Variants in ZFHX3 observed in about 807,000 individuals in gnomAD.
The protein encoded by ZFHX3 is zinc finger homeobox 3.
A neutral mutation model predicts 279.1 loss-of-function variants in ZFHX3; 42 were observed. That is an observed-to-expected ratio of 0.15 (90% CI 0.12 to 0.19). The LOEUF (loss-of-function observed/expected upper bound fraction) is 0.19. Ranked by LOEUF, ZFHX3 falls within the 10% of genes least tolerant of loss-of-function variation. ZFHX3 has a pLI of 1.00. For missense variants in ZFHX3, 4,981 were observed against 4,754.0 expected, an observed-to-expected ratio of 1.05 and a Z score of -1.40; for synonymous variants, 2,293 against 1,957.8, an observed-to-expected ratio of 1.17 and a Z score of -4.52.
At chr16:73,811,490 C>T (rs1326991807) in intron 1 of ZFHX3, among the ~76,000 whole-genome samples, 5 of 135,648 alleles carry the variant, frequency 3.7e-5, no homozygotes, top group African/African-American at 5.7e-5. Context: ...GTCATCTAGG[C>T]GGGAGTGGCA....
At chr16:73,273,692 C>CT (rs1441561581) in intron 4 of ZFHX3, among the ~76,000 whole-genome samples, 9 of 151,518 alleles carry the variant, frequency 5.9e-5, no homozygotes, top group East Asian at 1.9e-4. Flanking sequence ...ATATTCCATA[C>CT]TTTTTTTTTA....
At chr16:73,723,262 C>G (rs1166844410) in intron 1 of ZFHX3, among the ~76,000 whole-genome samples, 1 of 152,022 alleles carries the variant, frequency 6.6e-6, no homozygotes, top group Non-Finnish European at 1.5e-5. Flanking sequence ...TAGTAGGGAT[C>G]TTGGGAAGTA....
At chr16:73,537,475 C>G (rs1260167875) in intron 2 of ZFHX3, among the ~76,000 whole-genome samples, 1 of 151,978 alleles carries the variant, frequency 6.6e-6, no homozygotes, top group African/African-American at 2.4e-5. Context: ...TGCTGCCACG[C>G]CCGGCTAATT....
rs1024871200 is a variant in ZFHX3, at chr16:73,834,288, A to C, written c.-1608+57363T>G. Among the ~76,000 whole-genome samples the C allele has an allele frequency of 9.9e-5, 15 of 152,246 alleles. 1 individual carries two copies. The highest frequency in any genetic ancestry group is 3.9e-4 in the Admixed American group (6 of 15,300). On this transcript the variant is annotated intron_variant, in intron 1 of 17. Coordinates refer to the ZFHX3 transcript ENST00000641206. ...TAACACCTTTGCATCTTGCAAGGAG[A>C]GAAGTGGTAAGAGCAACAGATGAAG...
At chr16:72,945,026 G>A (rs916538704) in intron 3 of ZFHX3, among the ~76,000 whole-genome samples, 1 of 152,038 alleles carries the variant, frequency 6.6e-6, no homozygotes, top group African/African-American at 2.4e-5. Context: ...GGAGTGAAAA[G>A]ATATCACTGA....
chr16:73,782,799 T>C (rs1959518313), intron 1 of ZFHX3, among the ~76,000 whole-genome samples: 1 of 152,178 alleles, frequency 6.6e-6, no homozygotes, highest in Non-Finnish European at 1.5e-5. Context: ...ACTGGGTCCC[T>C]GAATCACTAC....
At chr16:73,611,266 A>G (rs2052243262) in intron 2 of ZFHX3, among the ~76,000 whole-genome samples, 1 of 152,194 alleles carries the variant, frequency 6.6e-6, no homozygotes, top group South Asian at 2.1e-4. Flanking sequence ...GGGACCATGG[A>G]TGGGCAAGAC....
intron 1 of ZFHX3, among the ~76,000 whole-genome samples, chr16:73,704,811 G>C (rs192227121): frequency 6.6e-6 from 1 of 152,212 alleles, no homozygotes; most frequent in Non-Finnish European, 1.5e-5. Flanking sequence ...ACTCCTGCTA[G>C]GGAGCTCTGG....
In ZFHX3 at chr16:73,129,379, G is replaced by GACACACACACACACACACAC. The variant is rs59666622; in HGVS notation, c.-897+1569_-897+1588dup. On this transcript the variant is annotated intron_variant, in intron 7 of 17. Transcript: ENST00000641206. Reference sequence around the variant, plus strand: ...CTCCAGCCTGGGTGGCAGAGACTCTGACACACACACACACACACACACACA... The same window carrying GACACACACACACACACACAC: ...CTCCAGCCTGGGTGGCAGAGACTCTGACACACACACACACACACACACACACACACACACACACACACACA... 1.8e-3 allele frequency among the ~76,000 whole-genome samples: 244 copies of GACACACACACACACACACAC among 137,912 alleles called. 2 individuals carry two copies. The highest frequency in any genetic ancestry group is 9.0e-3 in the East Asian group (40 of 4,446). 90.5% of individuals were successfully genotyped at this position (137,912 alleles called of 152,430 possible).
chr16:73,074,451 CG>C (rs966790393), intron 8 of ZFHX3, among the ~76,000 whole-genome samples: 5 of 152,304 alleles, frequency 3.3e-5, no homozygotes, highest in African/African-American at 9.6e-5. Flanking sequence ...ATTCATGTTA[CG>C]GATGACCCGC....
chr16:73,678,675 CTA>C (rs753204218), intron 2 of ZFHX3, among the ~76,000 whole-genome samples: 5 of 152,078 alleles, frequency 3.3e-5, no homozygotes, highest in African/African-American at 4.8e-5. Context: ...AAAAAAACTG[CTA>C]TATGTCTGAA....
At chr16:73,818,768 C>A (rs561824564) in intron 1 of ZFHX3, among the ~76,000 whole-genome samples, 1 of 152,324 alleles carries the variant, frequency 6.6e-6, no homozygotes, top group East Asian at 1.9e-4. Context: ...GATGTGTTTT[C>A]AAACTTAAAT....
intron 3 of ZFHX3, among the ~76,000 whole-genome samples, chr16:73,439,928 A>C (rs2018059560): frequency 1.4e-5 from 2 of 145,262 alleles, no homozygotes; most frequent in Non-Finnish European, 3.0e-5. Context: ...AAAAAAAAAA[A>C]AAAACACAAA....
At position 73,481,961 on chromosome 16, in the gene ZFHX3, A is replaced by C. The variant is rs560024753; in HGVS notation, c.-1546-25703T>G. On this transcript the variant is annotated intron_variant, in intron 2 of 17. Transcript: ENST00000641206. Reference sequence around the variant, plus strand: ...ATGATGACCCCATAGCCAATAAATCAAGTCCAGTGTAAGTAACATTTGAGC... The same window carrying C: ...ATGATGACCCCATAGCCAATAAATCCAGTCCAGTGTAAGTAACATTTGAGC... Among the ~76,000 whole-genome samples, 100 of 152,316 alleles carry C rather than the reference A, an allele frequency of 6.6e-4. No individual in the cohort carries two copies. The South Asian group carries it at 0.02, about 31-fold the overall frequency.
chr16:72,884,838 C>T (rs2038583003), intron 4 of ZFHX3, among the ~76,000 whole-genome samples: 1 of 152,216 alleles, frequency 6.6e-6, no homozygotes, highest in Non-Finnish European at 1.5e-5. Flanking sequence ...ACCAGGGAAG[C>T]AAATGGCAGA....
At chr16:73,031,807 C>T (rs1158986136) in intron 1 of ZFHX3, among the ~76,000 whole-genome samples, 1 of 152,150 alleles carries the variant, frequency 6.6e-6, no homozygotes, top group East Asian at 1.9e-4. Context: ...CCCACTGTGA[C>T]CCTTGCTAGA....
Position 73,077,793 on chromosome 16 carries a change from G to A in ZFHX3, c.-533+15442C>T, listed in dbSNP as rs994973037. ...TGTCAATCATGTAGATCTCATGCAC[G>A]TCAAAGCCATTATTTTTCTTTTTTG... On this transcript the variant is annotated intron_variant, in intron 8 of 17. Transcript: ENST00000641206. Among the ~76,000 whole-genome samples the A allele has an allele frequency of 1.3e-5, 2 of 151,770 alleles. 1 individual carries two copies. Among genetic ancestry groups the A allele is most frequent in the Non-Finnish European group, 2.9e-5 (2 of 67,930 alleles).
intron 1 of ZFHX3, among the ~76,000 whole-genome samples, chr16:72,993,284 T>C (rs987979956): frequency 6.6e-6 from 1 of 152,228 alleles, no homozygotes; most frequent in Non-Finnish European, 1.5e-5. Context: ...TGGCCCACTG[T>C]TCGCATCACA....
chr16:72,950,425 T>G, intron 3 of ZFHX3, 44 bp downstream of exon 3: 1 of 1,592,934 alleles, frequency 6.3e-7, no homozygotes, highest in South Asian at 1.1e-5. Flanking sequence ...CGCAACCCCC[T>G]CCTTTCAGAA....
Sources: gnomAD v4.1 joint callset for allele counts (sites outside exome capture counted in the v4.1 genomes callset) on GRCh38, gnomAD v4.1.1 for gene constraint, MANE v1.5 for transcripts, NCBI Gene and HGNC (gene_info 2026-07-23, HGNC 2026-07-21) for gene names.